The following ABLIM1 variants were observed in gnomAD, a reference collection of about 807,000 sequenced individuals.
ABLIM1 encodes actin binding LIM protein 1.
ABLIM1 carries 40 observed loss-of-function variants against 107.0 expected under a neutral mutation model. The ratio of observed to expected loss-of-function variants is 0.37; its 90% CI spans 0.29 to 0.49. The LOEUF is 0.49. ABLIM1 is among the 20% of genes least tolerant of loss of function. The probability of loss-of-function intolerance (pLI) is 0.97; values close to 1 mark genes in which losing one functional copy is unlikely to be tolerated. For synonymous variants in ABLIM1, 357 were observed against 357.3 expected (o/e 1.00, Z 0.01); for missense variants, 857 against 1,008.5 (o/e 0.85, Z 2.04).
chr10:114,437,942 A>T lies in ABLIM1; in HGVS notation c.2143-18T>A. The T allele has an allele frequency of 6.2e-7, 1 of 1,604,502 alleles. No homozygotes were observed. The highest frequency in any genetic ancestry group is 8.5e-7 in the Non-Finnish European group (1 of 1,171,280). On this transcript the variant is annotated intron_variant, in intron 21 of 22. Coordinates refer to ENST00000533213, the MANE Select transcript of ABLIM1 (RefSeq NM_002313.7). ...GGAAATATCTGAGAAGAAAGAAAACACCTCTTCTAGAACACCACAGTCCAT... is the reference window on the plus strand; with the variant it reads ...GGAAATATCTGAGAAGAAAGAAAACTCCTCTTCTAGAACACCACAGTCCAT...
intron 1 of ABLIM1, among the ~76,000 whole-genome samples, chr10:114,761,045 A>C (rs1238173271): frequency 6.6e-6 from 1 of 152,200 alleles, no homozygotes; most frequent in African/African-American, 2.4e-5. Flanking sequence ...CAGGCCAGAA[A>C]CATGGCCCCC....
chr10:114,565,317 T>G lies in ABLIM1; in HGVS notation c.673+5980A>C, dbSNP rs188069732. On this transcript the variant is annotated intron_variant, in intron 4 of 22. Coordinates refer to ENST00000533213, the MANE Select transcript of ABLIM1 (RefSeq NM_002313.7). The stretch of plus-strand genomic sequence containing the variant: ...TTTTATACTGGTAGAAAATATCAAA[T>G]GAGCAGAGAAAGGCAGCTGTCATGA... Among the ~76,000 whole-genome samples the G allele has an allele frequency of 2.6e-4, 39 of 152,294 alleles. 1 individual carries two copies. The East Asian group carries it at 7.1e-3, about 28-fold the overall frequency.
intron 1 of ABLIM1, among the ~76,000 whole-genome samples, chr10:114,757,661 C>T (rs2082660869): frequency 6.6e-6 from 1 of 152,190 alleles, no homozygotes; most frequent in Admixed American, 6.5e-5. Flanking sequence ...GTCCAAGCCA[C>T]CATCTTCTCT....
intron 1 of ABLIM1, among the ~76,000 whole-genome samples, chr10:114,667,214 T>C (rs1389271328): frequency 6.6e-6 from 1 of 152,210 alleles, no homozygotes; most frequent in Non-Finnish European, 1.5e-5. Context: ...GCAAGATTTT[T>C]AGAAGCATTG....
chr10:114,460,463 T>G (rs894919420), intron 12 of ABLIM1, among the ~76,000 whole-genome samples: 34 of 152,090 alleles, frequency 2.2e-4, no homozygotes, highest in African/African-American at 8.2e-4. Flanking sequence ...TAGCTAGGCG[T>G]GGTGGCGCAC....
chr10:114,650,393 C>T (rs1240682439), intron 1 of ABLIM1, among the ~76,000 whole-genome samples: 1 of 152,172 alleles, frequency 6.6e-6, no homozygotes, highest in African/African-American at 2.4e-5. Flanking sequence ...AAACAATAAA[C>T]TTAAACAGAC....
At chr10:114,737,392 C>T (rs779501167) in intron 1 of ABLIM1, among the ~76,000 whole-genome samples, 4 of 152,176 alleles carry the variant, frequency 2.6e-5, no homozygotes, top group Non-Finnish European at 5.9e-5. Context: ...GAACTCAAGG[C>T]CTTTTCCGAC....
intron 4 of ABLIM1, among the ~76,000 whole-genome samples, chr10:114,550,527 G>A (rs1472012628): frequency 6.6e-6 from 1 of 152,024 alleles, no homozygotes; most frequent in East Asian, 1.9e-4. Context: ...TGGAACCATT[G>A]TTATAATTGA....
chr10:114,608,024 T>C (rs1402116971), intron 1 of ABLIM1, among the ~76,000 whole-genome samples: 1 of 152,246 alleles, frequency 6.6e-6, no homozygotes, highest in Non-Finnish European at 1.5e-5. Flanking sequence ...GAAATACCTG[T>C]ATTATCTTCT....
chr10:114,450,025 G>A, intron 14 of ABLIM1: 2 of 268,910 alleles, frequency 7.4e-6, no homozygotes, highest in Non-Finnish European at 1.6e-5. Context: ...GATTATTTTT[G>A]TTCAGAGAGG....
At chr10:114,738,379 A>T (rs952224409) in intron 1 of ABLIM1, among the ~76,000 whole-genome samples, 1 of 152,176 alleles carries the variant, frequency 6.6e-6, no homozygotes, top group South Asian at 2.1e-4. Flanking sequence ...AATAATCAAA[A>T]AATGATGCTT....
At chr10:114,581,460 AATG>A (rs1169430743) in intron 2 of ABLIM1, among the ~76,000 whole-genome samples, 1 of 152,170 alleles carries the variant, frequency 6.6e-6, no homozygotes, top group African/African-American at 2.4e-5. Flanking sequence ...AACTCTACCC[AATG>A]GTGGGTTTTG....
At chr10:114,513,711 T>C (rs984919938) in intron 6 of ABLIM1, among the ~76,000 whole-genome samples, 1 of 152,152 alleles carries the variant, frequency 6.6e-6, no homozygotes, top group African/African-American at 2.4e-5. Context: ...AACCACCAAA[T>C]GAATTCTTAG....
chr10:114,540,944 G>A (rs2066578924), intron 6 of ABLIM1, among the ~76,000 whole-genome samples: 1 of 152,210 alleles, frequency 6.6e-6, no homozygotes, highest in Non-Finnish European at 1.5e-5. Context: ...AGTCTTTGCA[G>A]ATGTAATTAA....
intron 1 of ABLIM1, among the ~76,000 whole-genome samples, chr10:114,646,234 A>C (rs934163095): frequency 6.6e-6 from 1 of 152,224 alleles, no homozygotes; most frequent in African/African-American, 2.4e-5. Context: ...ACGTATACTA[A>C]GAGCACTGAG....
intron 3 of ABLIM1, among the ~76,000 whole-genome samples, chr10:114,574,928 C>T (rs2138937690): frequency 6.6e-6 from 1 of 152,300 alleles, no homozygotes; most frequent in Non-Finnish European, 1.5e-5. Flanking sequence ...GTGGAAGCAG[C>T]TATAGGCCAC....
the ABLIM1 span, among the ~76,000 whole-genome samples, chr10:114,773,097 G>T: frequency 7.9e-5 from 12 of 151,938 alleles, no homozygotes; most frequent in African/African-American, 2.9e-4. Context: ...AGGATAAGAA[G>T]ATCTAATTTA....
At chr10:114,467,113 T>A (rs6585282) in intron 11 of ABLIM1, among the ~76,000 whole-genome samples, 1 of 152,058 alleles carries the variant, frequency 6.6e-6, no homozygotes. Context: ...GAGCCAAGAT[T>A]GTGCCACTAC....
chr10:114,633,012 T>A (rs2078282148), intron 1 of ABLIM1, among the ~76,000 whole-genome samples: 1 of 152,034 alleles, frequency 6.6e-6, no homozygotes. Context: ...CCAGCCTCTG[T>A]CTCCCAAATC....
Sources: allele counts gnomAD v4.1 joint callset (sites outside exome capture counted in the v4.1 genomes callset), GRCh38; gene constraint gnomAD v4.1.1; transcripts MANE v1.5; gene names NCBI Gene and HGNC (gene_info 2026-07-23, HGNC 2026-07-21).